The following ANKS1A variants were observed in gnomAD, a reference collection of about 807,000 sequenced individuals.
The protein encoded by ANKS1A is ankyrin repeat and SAM domain-containing protein 1A.
A neutral mutation model predicts 120.3 loss-of-function variants in ANKS1A; 55 were observed. The observed-to-expected ratio is 0.46, with a 90% CI of 0.37 to 0.57. The LOEUF is 0.57. ANKS1A is among the 20% of genes least tolerant of loss of function. The pLI, the probability that ANKS1A is intolerant of heterozygous loss-of-function variation, is 0.00. For missense variants in ANKS1A, 1,123 were observed against 1,480.3 expected (o/e 0.76, Z 3.96); for synonymous variants, 590 against 604.7 (o/e 0.98, Z 0.36).
chr6:35,031,332 A>T (rs1581673634), intron 11 of ANKS1A, among the ~76,000 whole-genome samples: 1 of 152,298 alleles, frequency 6.6e-6, no homozygotes, highest in East Asian at 1.9e-4. Context: ...CTCTGGGCCC[A>T]TGAGACTTGC....
chr6:35,084,949 C>G lies in ANKS1A; in HGVS notation c.3132+691C>G, dbSNP rs1316817718. On this transcript the variant is annotated intron_variant, in intron 21 of 23. Coordinates refer to ENST00000360359, the MANE Select transcript of ANKS1A (RefSeq NM_015245.3). The surrounding 1 kb of genome is among the most constrained non-coding windows in gnomAD (Gnocchi z 4.8). ...GTGGCCCCAGGCTGCTTCCTCACCC[C>G]GGGAGGAAGTCAGAGGGGTCCAGGT... is the stretch of plus-strand genomic sequence containing the variant. Among the ~76,000 whole-genome samples, 3 of 152,152 alleles carry G rather than the reference C, an allele frequency of 2.0e-5. No individual in the cohort carries two copies. The highest frequency in any genetic ancestry group is 6.5e-5 in the Admixed American group (1 of 15,278).
At position 35,064,168 on chromosome 6, in the gene ANKS1A, C is replaced by T. The variant is rs745562072; in HGVS notation, c.2184+3915C>T. Among the ~76,000 whole-genome samples, 81 of 152,256 alleles carry T rather than the reference C, an allele frequency of 5.3e-4. 1 individual carries two copies. The highest frequency in any genetic ancestry group is 9.3e-4 in the Non-Finnish European group (63 of 68,004). On this transcript the variant is annotated intron_variant, in intron 13 of 23. Coordinates refer to ENST00000360359, the MANE Select transcript of ANKS1A (RefSeq NM_015245.3). ...CCTGGGCATGGGGGGATGGTCTCTG[C>T]TAGTGCCCCACACCAGGCAAAAAGC...
chr6:35,017,089 C>CTG (rs1774058162), intron 10 of ANKS1A, among the ~76,000 whole-genome samples: 1 of 152,116 alleles, frequency 6.6e-6, no homozygotes, highest in Non-Finnish European at 1.5e-5. Context: ...CTTACTTTTG[C>CTG]TTCATGTTCA....
At chr6:34,892,126 G>A (rs985783996) in intron 1 of ANKS1A, among the ~76,000 whole-genome samples, 4 of 152,176 alleles carry the variant, frequency 2.6e-5, no homozygotes, top group African/African-American at 9.7e-5. Context: ...TAGAGAGCTG[G>A]CTCACCTTGA....
chr6:34,913,867 A>G (rs1768023336), intron 1 of ANKS1A, among the ~76,000 whole-genome samples: 1 of 152,040 alleles, frequency 6.6e-6, no homozygotes, highest in African/African-American at 2.4e-5. Flanking sequence ...TGCCCACCTC[A>G]GCTTCACAAA....
rs139215457 is a variant in ANKS1A, at chr6:35,031,812, C to T, written c.2010+13753C>T. Among the ~76,000 whole-genome samples the T allele has an allele frequency of 8.5e-3, 1,291 of 152,294 alleles. 19 individuals carry two copies. The highest frequency in any genetic ancestry group is 0.028 in the African/African-American group (1,181 of 41,560). On this transcript the variant is annotated intron_variant, in intron 11 of 23. Coordinates refer to ENST00000360359, the MANE Select transcript of ANKS1A (RefSeq NM_015245.3). ...AGTGCATGATTCACCAGAGAATGAG[C>T]CCATGGCCCAGCCTCTATAACTGGC...
At chr6:34,924,849 G>A (rs758234708) in intron 1 of ANKS1A, among the ~76,000 whole-genome samples, 6 of 152,102 alleles carry the variant, frequency 3.9e-5, no homozygotes, top group Non-Finnish European at 8.8e-5. Context: ...CAGACTCCCC[G>A]GGCTTGAGTG....
At chr6:35,020,232 A>G (rs59417869) in intron 11 of ANKS1A, among the ~76,000 whole-genome samples, 50 of 152,306 alleles carry the variant, frequency 3.3e-4, no homozygotes, top group Admixed American at 5.2e-4. Context: ...TATTTGGGGG[A>G]AAAAATAACA....
chr6:34,971,112 C>G (rs1771162608), intron 3 of ANKS1A, among the ~76,000 whole-genome samples: 2 of 152,350 alleles, frequency 1.3e-5, no homozygotes, highest in African/African-American at 4.8e-5. Context: ...TACATCAGAA[C>G]TTGCAGCAGT....
At chr6:34,953,572 A>T (rs1378497983) in intron 1 of ANKS1A, among the ~76,000 whole-genome samples, 1 of 152,192 alleles carries the variant, frequency 6.6e-6, no homozygotes, top group Non-Finnish European at 1.5e-5. Context: ...TTTTCTTGCT[A>T]ATGGCATTCC....
Position 35,090,138 on chromosome 6 carries a change from C to A in ANKS1A, c.*1529C>A. Reference sequence around the variant, plus strand: ...GTTGGGGCCTGGGACTCAGCTCTCTCTGCGGTAGAGGCAGGCCCTCCTCCA... The same window carrying A: ...GTTGGGGCCTGGGACTCAGCTCTCTATGCGGTAGAGGCAGGCCCTCCTCCA... On this transcript the variant is annotated 3_prime_UTR_variant, in exon 24 of 24. Coordinates refer to ENST00000360359, the MANE Select transcript of ANKS1A (RefSeq NM_015245.3). 2 of 1,289,442 alleles carry A rather than the reference C, an allele frequency of 1.6e-6. No individual in the cohort carries two copies. Among genetic ancestry groups the A allele is most frequent in the Middle Eastern group, 4.3e-4 (2 of 4,696 alleles). The allele number at this position is 1,289,442 out of a possible 1,614,324, so 79.9% of individuals were successfully genotyped here.
At chr6:35,039,516 G>A in intron 11 of ANKS1A, 2 of 453,824 alleles carry the variant, frequency 4.4e-6, no homozygotes, top group South Asian at 1.6e-5. Context: ...AATTTTTAAA[G>A]TCATTTGCCT....
intron 13 of ANKS1A, among the ~76,000 whole-genome samples, chr6:35,076,568 A>G (rs922916228): frequency 1.3e-5 from 2 of 152,178 alleles, no homozygotes; most frequent in African/African-American, 4.8e-5. Context: ...CCAGGGCTTT[A>G]TGGGCCTCAG....
In ANKS1A at chr6:35,057,711, G is replaced by A. The variant is rs1335783273; in HGVS notation, c.2078-2436G>A. 6.6e-6 allele frequency among the ~76,000 whole-genome samples: 1 copy of A among 152,216 alleles called. No individual in the cohort carries two copies. The highest frequency in any genetic ancestry group is 2.4e-5 in the African/African-American group (1 of 41,454). On this transcript the variant is annotated intron_variant, in intron 12 of 23. Coordinates refer to ENST00000360359, the MANE Select transcript of ANKS1A (RefSeq NM_015245.3). This position sits in a 1 kb window ranked among gnomAD's most constrained non-coding sequence, Gnocchi z 4.1. Reference sequence around the variant, plus strand: ...TCCCCTGGGCTCTAACAGGCCCCAAGAGAAGTCCGTCCCCAATTTGTTTGG... The same window carrying A: ...TCCCCTGGGCTCTAACAGGCCCCAAAAGAAGTCCGTCCCCAATTTGTTTGG...
chr6:34,923,296 C>CTTA lies in ANKS1A; in HGVS notation c.197+33699_197+33700insATT, dbSNP rs1028645872. 5.3e-4 allele frequency among the ~76,000 whole-genome samples: 81 copies of CTTA among 152,260 alleles called. 1 individual carries two copies. Among genetic ancestry groups the CTTA allele is most frequent in the African/African-American group, 1.9e-3 (81 of 41,544 alleles). On this transcript the variant is annotated intron_variant, in intron 1 of 23. Transcript: ENST00000360359. ...TCTGCTATCAAGTATAGAATACTGA[C>CTTA]TTTAAAAGTTTGTGTTCCAAGGTCA...
rs192014039 is a variant in ANKS1A at position 34,998,317 on chromosome 6, C to T, written c.1423+3895C>T. ...TTAGTGAGACTGTCAGAGCTTTTAA[C>T]CCCTCCTTAGTATAATTAAAAAAAC... On this transcript the variant is annotated intron_variant, in intron 10 of 23. Transcript: ENST00000360359. Among the ~76,000 whole-genome samples, 3 of 148,568 alleles carry T rather than the reference C, an allele frequency of 2.0e-5. No individual in the cohort carries two copies. In the Admixed American group the frequency reaches 2.0e-4, roughly 10 times the overall value.
At position 35,058,605 on chromosome 6, in the gene ANKS1A, T is replaced by C. The variant is rs561470946; in HGVS notation, c.2078-1542T>C. On this transcript the variant is annotated intron_variant, in intron 12 of 23. Coordinates refer to ENST00000360359, the MANE Select transcript of ANKS1A (RefSeq NM_015245.3). This position sits in a 1 kb window ranked among gnomAD's most constrained non-coding sequence, Gnocchi z 5.1. ...TGTAGATAACCAAGGAAGTTGGCAT[T>C]GTCCTGCCCCAAGGGGCAGAAAGTA... The C allele has an allele frequency of 6.6e-6, 1 of 152,448 alleles. No individual in the cohort carries two copies. Among genetic ancestry groups the C allele is most frequent in the Admixed American group, 6.5e-5 (1 of 15,306 alleles). The allele number at this position is 152,448 out of a possible 1,614,324, so 9.4% of individuals were successfully genotyped here.
At chr6:34,973,809 T>C (rs1158957999) in intron 3 of ANKS1A, among the ~76,000 whole-genome samples, 1 of 151,716 alleles carries the variant, frequency 6.6e-6, no homozygotes, top group Admixed American at 6.6e-5. Flanking sequence ...TCAGCTTTGT[T>C]TTGGCTTACT....
At chr6:35,010,513 A>C (rs2127552752) in intron 10 of ANKS1A, among the ~76,000 whole-genome samples, 1 of 152,350 alleles carries the variant, frequency 6.6e-6, no homozygotes, top group South Asian at 2.1e-4. Context: ...CCCACTGGCC[A>C]GAACTTGGTC....
Sources: gnomAD v4.1 joint callset for allele counts (sites outside exome capture counted in the v4.1 genomes callset) on GRCh38, gnomAD v4.1.1 for gene constraint, Gnocchi (gnomAD v3.1) non-coding constraint, MANE v1.5 for transcripts, NCBI Gene and HGNC (gene_info 2026-07-23, HGNC 2026-07-21) for gene names.